Variants in GAB1 observed in about 807,000 individuals in gnomAD.
The protein encoded by GAB1 is GRB2-associated-binding protein 1.
GAB1 carries 19 observed loss-of-function variants against 66.5 expected under a neutral mutation model. The ratio of observed to expected loss-of-function variants is 0.29; its 90% CI spans 0.20 to 0.42. GAB1 has a LOEUF of 0.42. GAB1 is among the 10% of genes least tolerant of loss of function. GAB1 has a pLI of 1.00. For synonymous variants in GAB1, 294 were observed against 301.4 expected (o/e 0.98, Z 0.25); for missense variants, 732 against 858.5 (o/e 0.85, Z 1.84).
chr4:143,384,555 C>A (rs1437885617), intron 1 of GAB1, among the ~76,000 whole-genome samples: 1 of 152,234 alleles, frequency 6.6e-6, no homozygotes, highest in East Asian at 1.9e-4. Context: ...AGATGGTCCT[C>A]ATGATCGATG....
chr4:143,408,332 G>C (rs1324620179), intron 1 of GAB1, among the ~76,000 whole-genome samples: 1 of 152,026 alleles, frequency 6.6e-6, no homozygotes, highest in Non-Finnish European at 1.5e-5. Flanking sequence ...AAAAAACAAA[G>C]TATGTAAAAT....
intron 1 of GAB1, among the ~76,000 whole-genome samples, chr4:143,369,695 C>T (rs1027302407): frequency 6.6e-6 from 1 of 152,178 alleles, no homozygotes; most frequent in Non-Finnish European, 1.5e-5. Flanking sequence ...CTTCCTGCTT[C>T]TGAAGGAATG....
intron 1 of GAB1, among the ~76,000 whole-genome samples, chr4:143,351,823 T>A (rs1729239038): frequency 6.6e-6 from 1 of 152,198 alleles, no homozygotes; most frequent in African/African-American, 2.4e-5. Flanking sequence ...TTGCACAGAT[T>A]TATCTGGCTC....
At chr4:143,436,772 G>A (rs1733963056) in intron 3 of GAB1, among the ~76,000 whole-genome samples, 2 of 152,164 alleles carry the variant, frequency 1.3e-5, no homozygotes, top group Non-Finnish European at 2.9e-5. Flanking sequence ...CCACAAGCAA[G>A]GTAATACTGG....
At chr4:143,436,358 G>A (rs992005500) in intron 3 of GAB1, among the ~76,000 whole-genome samples, 1 of 152,104 alleles carries the variant, frequency 6.6e-6, no homozygotes, top group Non-Finnish European at 1.5e-5. Context: ...ATTAGTGTGA[G>A]GCCTTATAGT....
rs374320424 is a variant in GAB1, at chr4:143,386,625, C to G, written c.73-28852C>G. Among the ~76,000 whole-genome samples, 27 of 152,312 alleles carry G rather than the reference C, an allele frequency of 1.8e-4. No individual in the cohort carries two copies. In the East Asian group the frequency reaches 4.6e-3, roughly 26 times the overall value. On this transcript the variant is annotated intron_variant, in intron 1 of 9. Coordinates refer to ENST00000262994, the MANE Select transcript of GAB1 (RefSeq NM_002039.4). ...CTAGTTTCAAACTTCTGGGCTCAAG[C>G]AATCCATCTACCTCACCTTCCCAAA...
At chr4:143,360,863 A>G (rs372956141) in intron 1 of GAB1, among the ~76,000 whole-genome samples, 2 of 152,370 alleles carry the variant, frequency 1.3e-5, no homozygotes, top group East Asian at 3.9e-4. Flanking sequence ...AATCAAATGC[A>G]TTGCCCAAGG....
At chr4:143,368,866 C>T (rs1729995936) in intron 1 of GAB1, among the ~76,000 whole-genome samples, 1 of 152,102 alleles carries the variant, frequency 6.6e-6, no homozygotes, top group African/African-American at 2.4e-5. Context: ...CTTACTGCAA[C>T]CTCTGTCTCC....
At chr4:143,386,617 G>A (rs1456648658) in intron 1 of GAB1, among the ~76,000 whole-genome samples, 3 of 152,040 alleles carry the variant, frequency 2.0e-5, no homozygotes, top group African/African-American at 7.3e-5. Context: ...CAAACTTCTG[G>A]GCTCAAGCAA....
At chr4:143,349,989 C>G (rs562989948) in intron 1 of GAB1, 2 of 1,583,726 alleles carry the variant, frequency 1.3e-6, no homozygotes, top group South Asian at 2.2e-5. Flanking sequence ...ACTCCTTATC[C>G]TCGGCCTTGC....
rs1239624800 is a variant in GAB1 at position 143,353,639 on chromosome 4, G to T, written c.72+16379G>T. The stretch of plus-strand genomic sequence containing the variant: ...ATTATTTCCATAGGGGAACTTTATA[G>T]TTCAATTCAGTAACCTTGGAGAGAG... On this transcript the variant is annotated intron_variant, in intron 1 of 9. Coordinates refer to ENST00000262994, the MANE Select transcript of GAB1 (RefSeq NM_002039.4). Among the ~76,000 whole-genome samples the T allele has an allele frequency of 4.9e-5, 7 of 144,086 alleles. No homozygotes were observed. In the East Asian group the frequency reaches 1.4e-3, roughly 29 times the overall value. 94.5% of individuals were successfully genotyped at this position (144,086 alleles called of 152,430 possible). A position where few individuals can be genotyped will look rare whatever the true frequency, so the allele number is the denominator to read the frequency against.
In GAB1 at chr4:143,438,047, T is replaced by C; in HGVS notation, c.642T>C (p.Asn214=). ...AKSTSSETDC[N]DNVPSHKNPA... is the part of the protein sequence containing the mutation. ...CCACCTCTTCTGAAACAGACTGCAATGATAACGTCCCTTCTCATAAAAATC... is the reference window on the plus strand; with the variant it reads ...CCACCTCTTCTGAAACAGACTGCAACGATAACGTCCCTTCTCATAAAAATC... The change falls in exon 4 of 10, where the codon AAT becomes AAC. Residue 214 remains asparagine, a synonymous_variant. Coordinates refer to ENST00000262994, the MANE Select transcript of GAB1 (RefSeq NM_002039.4). 6.2e-7 allele frequency: 1 copy of C among 1,614,082 alleles called. No individual in the cohort carries two copies. The highest frequency in any genetic ancestry group is 8.5e-7 in the Non-Finnish European group (1 of 1,179,956).
intron 1 of GAB1, among the ~76,000 whole-genome samples, chr4:143,365,405 A>G (rs1391539585): frequency 3.9e-5 from 6 of 152,154 alleles, no homozygotes; most frequent in Non-Finnish European, 5.9e-5. Context: ...AGCCATGTCA[A>G]TGTTGGTCTC....
intron 2 of GAB1, among the ~76,000 whole-genome samples, chr4:143,416,409 A>T (rs1365376610): frequency 6.6e-6 from 1 of 151,914 alleles, no homozygotes; most frequent in Non-Finnish European, 1.5e-5. Flanking sequence ...CTCCGTCTCA[A>T]AAAAAAAGCA....
intron 1 of GAB1, among the ~76,000 whole-genome samples, chr4:143,342,543 CTTTTTTTTTTTT>C (rs5862632): frequency 6.9e-4 from 43 of 62,496 alleles, no homozygotes; most frequent in Middle Eastern, 0.013. Flanking sequence ...GTGATAGATT[CTTTTTTTTTTTT>C]TTTTTTTTTT....
At position 143,433,488 on chromosome 4, in the gene GAB1, C is replaced by T. The variant is rs1470836799; in HGVS notation, c.368-3C>T. On this transcript the variant is annotated splice_region_variant and splice_polypyrimidine_tract_variant and intron_variant, in intron 2 of 9. Coordinates refer to ENST00000262994, the MANE Select transcript of GAB1 (RefSeq NM_002039.4). ...ACGTGATAGTTAAACTTTGGTGTTGCAGATCCTGTGAAGCCACCTGGCAGC... is the reference window on the plus strand; with the variant it reads ...ACGTGATAGTTAAACTTTGGTGTTGTAGATCCTGTGAAGCCACCTGGCAGC... The T allele has an allele frequency of 6.2e-7, 1 of 1,611,220 alleles. No individual in the cohort carries two copies. The highest frequency in any genetic ancestry group is 8.5e-7 in the Non-Finnish European group (1 of 1,177,562).
At chr4:143,448,776 T>C (rs1049505588) in intron 6 of GAB1, among the ~76,000 whole-genome samples, 3 of 151,764 alleles carry the variant, frequency 2.0e-5, no homozygotes, top group African/African-American at 7.3e-5. Context: ...GGGTTTTTTG[T>C]GTCTCTATTT....
At chr4:143,393,504 G>T (rs1731286852) in intron 1 of GAB1, among the ~76,000 whole-genome samples, 1 of 152,180 alleles carries the variant, frequency 6.6e-6, no homozygotes, top group Admixed American at 6.5e-5. Context: ...ATAAATTACA[G>T]CCTACCTCAT....
At chr4:143,459,788 C>T (rs1452566717) in intron 7 of GAB1, among the ~76,000 whole-genome samples, 1 of 152,004 alleles carries the variant, frequency 6.6e-6, no homozygotes, top group Non-Finnish European at 1.5e-5. Flanking sequence ...CTATTTTCAT[C>T]TCTAATATGG....
Sources: allele counts gnomAD v4.1 joint callset (sites outside exome capture counted in the v4.1 genomes callset), GRCh38; gene constraint gnomAD v4.1.1; transcripts MANE v1.5; gene names NCBI Gene and HGNC (gene_info 2026-07-23, HGNC 2026-07-21).